The following MDGA2 variants were observed in gnomAD, a reference collection of about 807,000 sequenced individuals.
MDGA2 encodes the protein MAM domain-containing glycosylphosphatidylinositol anchor protein 2.
In MDGA2, 40 loss-of-function variants were observed where a neutral mutation model predicts 117.8. The observed-to-expected ratio is 0.34, with a 90% CI of 0.26 to 0.44. The LOEUF (loss-of-function observed/expected upper bound fraction) is 0.44, where lower values mean the gene tolerates loss of function less well. MDGA2 is among the 20% of genes least tolerant of loss of function. The probability of loss-of-function intolerance (pLI) is 1.00; values close to 1 mark genes in which losing one functional copy is unlikely to be tolerated. For missense variants in MDGA2, 1,123 were observed against 1,250.6 expected, an observed-to-expected ratio of 0.90 and a Z score of 1.54; for synonymous variants, 452 against 439.0, an observed-to-expected ratio of 1.03 and a Z score of -0.37.
chr14:47,468,912 T>A (rs572335140), intron 1 of MDGA2, among the ~76,000 whole-genome samples: 3 of 152,152 alleles, frequency 2.0e-5, no homozygotes, highest in African/African-American at 7.2e-5. Context: ...ACCTGCTCCA[T>A]ACTGAGGGCT....
chr14:46,845,683 TA>T (rs998714268), intron 16 of MDGA2, 82 bp downstream of exon 16: 1 of 840,242 alleles, frequency 1.2e-6, no homozygotes, highest in Non-Finnish European at 1.8e-6. Flanking sequence ...ACTCCGTTTT[TA>T]AAATTAATTA....
chr14:47,381,861 C>T (rs1285319769), intron 1 of MDGA2, among the ~76,000 whole-genome samples: 8 of 152,128 alleles, frequency 5.3e-5, no homozygotes, highest in Non-Finnish European at 1.0e-4. Flanking sequence ...GAAAAAACTA[C>T]TTTAAAATTC....
intron 9 of MDGA2, among the ~76,000 whole-genome samples, chr14:46,935,182 G>C (rs964526349): frequency 6.6e-6 from 1 of 152,088 alleles, no homozygotes; most frequent in Non-Finnish European, 1.5e-5. Context: ...TAATGAGATG[G>C]AAGCAGAAAA....
chr14:47,674,093 G>C (rs967263588), intron 1 of MDGA2, among the ~76,000 whole-genome samples: 3 of 151,870 alleles, frequency 2.0e-5, no homozygotes, highest in African/African-American at 7.3e-5. Flanking sequence ...GAGAGGAGGA[G>C]GCGGCGGGGG....
intron 4 of MDGA2, among the ~76,000 whole-genome samples, chr14:47,133,915 A>T (rs1882329475): frequency 1.3e-5 from 2 of 152,152 alleles, no homozygotes; most frequent in Non-Finnish European, 2.9e-5. Flanking sequence ...TCATGATTGT[A>T]CTTAGTATAG....
intron 10 of MDGA2, among the ~76,000 whole-genome samples, chr14:46,883,246 A>G (rs1003856777): frequency 6.6e-6 from 1 of 152,124 alleles, no homozygotes; most frequent in Non-Finnish European, 1.5e-5. Flanking sequence ...TATCAAATTC[A>G]TCAAGTTTTA....
intron 1 of MDGA2, among the ~76,000 whole-genome samples, chr14:47,519,743 T>C (rs7152351): frequency 0.42 from 64,521 of 151,984 alleles, 14,378 homozygotes; most frequent in East Asian, 0.61. Context: ...GTTTACACCA[T>C]ATATGGGCAT....
chr14:47,600,465 G>C (rs1466802981), intron 1 of MDGA2, among the ~76,000 whole-genome samples: 1 of 151,980 alleles, frequency 6.6e-6, no homozygotes, highest in Non-Finnish European at 1.5e-5. Context: ...GTATATGGTT[G>C]TCCCAGGAAA....
intron 1 of MDGA2, among the ~76,000 whole-genome samples, chr14:47,530,486 C>A (rs1198217875): frequency 6.6e-6 from 1 of 152,134 alleles, no homozygotes; most frequent in African/African-American, 2.4e-5. Flanking sequence ...GTATACTGTA[C>A]TTCTGCATAC....
In MDGA2 at chr14:47,492,688, G is replaced by A. The variant is rs530957183; in HGVS notation, c.280+181829C>T. Among the ~76,000 whole-genome samples the A allele has an allele frequency of 2.0e-3, 297 of 152,108 alleles. 1 individual carries two copies. The highest frequency in any genetic ancestry group is 4.4e-3 in the South Asian group (21 of 4,820). ...TCTGTGCTTATTTTTACTTTGACAGGACAGTTAAGTATTTTAAAGCACTGC... is the reference window on the plus strand; with the variant it reads ...TCTGTGCTTATTTTTACTTTGACAGAACAGTTAAGTATTTTAAAGCACTGC... On this transcript the variant is annotated intron_variant, in intron 1 of 16. Transcript: ENST00000399232.
chr14:47,098,259 T>C (rs1321780385), intron 5 of MDGA2, among the ~76,000 whole-genome samples: 1 of 110,314 alleles, frequency 9.1e-6, no homozygotes, highest in East Asian at 2.4e-4. Flanking sequence ...TCTGCCGTGT[T>C]TGAAAAAAAA....
At chr14:47,280,912 A>G (rs1888465252) in intron 2 of MDGA2, among the ~76,000 whole-genome samples, 1 of 149,386 alleles carries the variant, frequency 6.7e-6, no homozygotes. Context: ...AAACCACCAT[A>G]ATCCATTTTT....
chr14:47,659,071 A>T (rs1270291213), intron 1 of MDGA2, among the ~76,000 whole-genome samples: 1 of 152,166 alleles, frequency 6.6e-6, no homozygotes, highest in African/African-American at 2.4e-5. Context: ...ACATGAACAC[A>T]CTGCATTCTG....
intron 2 of MDGA2, among the ~76,000 whole-genome samples, chr14:47,293,521 G>A (rs1023636361): frequency 7.2e-5 from 11 of 152,116 alleles, no homozygotes; most frequent in Non-Finnish European, 1.6e-4. Context: ...ACTTTGTTGA[G>A]TTAAATGTAA....
At chr14:47,388,280 T>G (rs898538750) in intron 1 of MDGA2, among the ~76,000 whole-genome samples, 8 of 152,186 alleles carry the variant, frequency 5.3e-5, no homozygotes, top group Non-Finnish European at 1.0e-4. Flanking sequence ...AAATCTAGTC[T>G]GAAATTAAAT....
chr14:47,228,920 T>G (rs1157538778), intron 2 of MDGA2, among the ~76,000 whole-genome samples: 3 of 152,090 alleles, frequency 2.0e-5, no homozygotes, highest in Non-Finnish European at 4.4e-5. Context: ...GCTGGCCACT[T>G]AGGCACCCTC....
intron 2 of MDGA2, among the ~76,000 whole-genome samples, chr14:47,222,597 T>C (rs1009836008): frequency 2.6e-5 from 4 of 152,008 alleles, no homozygotes; most frequent in Non-Finnish European, 5.9e-5. Flanking sequence ...ACAATAAACA[T>C]ATAAGACTAA....
In MDGA2 at chr14:46,840,230, T is replaced by C. The variant is rs1226723186; in HGVS notation, c.*1701A>G. ...CATTTTCCACTACATTTTGTTGTGCTTTTATATTAATATTTGCAAATGCTA... is the reference window on the plus strand; with the variant it reads ...CATTTTCCACTACATTTTGTTGTGCCTTTATATTAATATTTGCAAATGCTA... On this transcript the variant is annotated 3_prime_UTR_variant, in exon 17 of 17. Coordinates refer to ENST00000399232, the MANE Select transcript of MDGA2 (RefSeq NM_001113498.3). 6.6e-6 allele frequency: 1 copy of C among 152,536 alleles called. No individual in the cohort carries two copies. The highest frequency in any genetic ancestry group is 2.4e-5 in the African/African-American group (1 of 41,464). 9.4% of individuals were successfully genotyped at this position (152,536 alleles called of 1,614,324 possible). A position where few individuals can be genotyped will look rare whatever the true frequency, so the allele number is the denominator to read the frequency against.
intron 9 of MDGA2, among the ~76,000 whole-genome samples, chr14:46,945,314 A>G (rs1885134668): frequency 6.6e-6 from 1 of 152,236 alleles, no homozygotes; most frequent in Admixed American, 6.6e-5. Context: ...TACCTAGAAT[A>G]AGTCTTTACT....
Sources: gnomAD v4.1 joint callset for allele counts (sites outside exome capture counted in the v4.1 genomes callset) on GRCh38, gnomAD v4.1.1 for gene constraint, MANE v1.5 for transcripts, NCBI Gene and HGNC (gene_info 2026-07-23, HGNC 2026-07-21) for gene names.